The following ERC2 variants were observed in gnomAD, a reference collection of about 807,000 sequenced individuals.
ERC2 encodes ELKS/RAB6-interacting/CAST family member 2, also known as ERC protein 2.
A neutral mutation model predicts 114.8 loss-of-function variants in ERC2; 42 were observed. The ratio of observed to expected loss-of-function variants is 0.37; its 90% CI spans 0.29 to 0.47. The LOEUF (loss-of-function observed/expected upper bound fraction) is 0.47. Ranked by LOEUF, ERC2 falls within the 20% of genes least tolerant of loss-of-function variation. The pLI, the probability that ERC2 is intolerant of heterozygous loss-of-function variation, is 0.99. For missense variants in ERC2, 939 were observed against 1,150.7 expected (o/e 0.82, Z 2.66); for synonymous variants, 454 against 425.5 (o/e 1.07, Z -0.82).
chr3:56,297,892 G>T (rs2055559780), intron 2 of ERC2, among the ~76,000 whole-genome samples: 1 of 152,170 alleles, frequency 6.6e-6, no homozygotes, highest in Non-Finnish European at 1.5e-5. Flanking sequence ...CTAGCACTGG[G>T]TGATGCACCA....
chr3:55,851,665 T>C (rs1288523142), intron 14 of ERC2, among the ~76,000 whole-genome samples: 3 of 152,160 alleles, frequency 2.0e-5, no homozygotes, highest in African/African-American at 7.2e-5. Flanking sequence ...TATAAATACA[T>C]ATTTTTTGCT....
At chr3:56,138,339 C>T (rs755431479) in intron 6 of ERC2, among the ~76,000 whole-genome samples, 1 of 152,130 alleles carries the variant, frequency 6.6e-6, no homozygotes, top group Non-Finnish European at 1.5e-5. Context: ...GGATTACAGG[C>T]GTGAGCCACC....
At chr3:56,023,332 A>C (rs1205855734) in intron 7 of ERC2, among the ~76,000 whole-genome samples, 1 of 152,068 alleles carries the variant, frequency 6.6e-6, no homozygotes, top group Admixed American at 6.6e-5. Flanking sequence ...GATATCATAC[A>C]TGAGGCCCTC....
chr3:56,424,356 A>G (rs1205821781), intron 2 of ERC2, among the ~76,000 whole-genome samples: 2 of 152,154 alleles, frequency 1.3e-5, no homozygotes, highest in Non-Finnish European at 2.9e-5. Context: ...GAAGATGGAA[A>G]TCATTTAGGT....
chr3:55,880,981 T>G (rs1194600056), intron 14 of ERC2, among the ~76,000 whole-genome samples: 1 of 152,130 alleles, frequency 6.6e-6, no homozygotes, highest in African/African-American at 2.4e-5. Context: ...CTCTGTGGGC[T>G]AGCACAACCC....
chr3:55,816,379 A>T (rs2059905646), intron 14 of ERC2, among the ~76,000 whole-genome samples: 1 of 152,200 alleles, frequency 6.6e-6, no homozygotes, highest in African/African-American at 2.4e-5. Flanking sequence ...GCCTTATCAA[A>T]ACTGTGACCC....
chr3:55,629,945 G>A (rs375035633), intron 17 of ERC2, among the ~76,000 whole-genome samples: 26 of 152,246 alleles, frequency 1.7e-4, no homozygotes, highest in African/African-American at 6.0e-4. Flanking sequence ...GAGGTCCTGC[G>A]TGGCAATAAG....
At chr3:56,414,870 G>A (rs948480299) in intron 2 of ERC2, among the ~76,000 whole-genome samples, 9 of 151,904 alleles carry the variant, frequency 5.9e-5, no homozygotes, top group South Asian at 4.2e-4. Flanking sequence ...CCAACATTTC[G>A]AATTTAAAAA....
intron 13 of ERC2, among the ~76,000 whole-genome samples, chr3:55,917,799 CAAT>C (rs1345041500): frequency 1.3e-5 from 2 of 152,174 alleles, no homozygotes; most frequent in Non-Finnish European, 2.9e-5. Flanking sequence ...AATTATATCT[CAAT>C]AAGGCTGCTA....
chr3:56,343,192 T>TCTCTCTCTCTCTCTCTCACACA (rs1376220124), intron 2 of ERC2, among the ~76,000 whole-genome samples: 26 of 126,210 alleles, frequency 2.1e-4, no homozygotes, highest in African/African-American at 7.8e-4. Flanking sequence ...TCTCTCTCTC[T>TCTCTCTCTCTCTCTCTCACACA]CACACACACA....
intron 17 of ERC2, among the ~76,000 whole-genome samples, chr3:55,652,706 T>C (rs1213966327): frequency 6.6e-6 from 1 of 151,792 alleles, no homozygotes; most frequent in African/African-American, 2.4e-5. Flanking sequence ...ACCCCATCTC[T>C]CTTAAAAATA....
intron 15 of ERC2, among the ~76,000 whole-genome samples, chr3:55,707,320 T>C (rs1412414834): frequency 6.6e-6 from 1 of 152,170 alleles, no homozygotes; most frequent in Admixed American, 6.5e-5. Flanking sequence ...ATGCCTGTAG[T>C]CCCAGCTACT....
At chr3:56,443,025 C>T (rs1438335721) in intron 1 of ERC2, among the ~76,000 whole-genome samples, 4 of 152,128 alleles carry the variant, frequency 2.6e-5, no homozygotes, top group African/African-American at 9.7e-5. Flanking sequence ...TCAGAATTGA[C>T]CTCTAACAGG....
chr3:56,012,741 C>A (rs28372290), intron 8 of ERC2, among the ~76,000 whole-genome samples: 5,930 of 152,258 alleles, frequency 0.039, 252 homozygotes, highest in African/African-American at 0.11. Context: ...AATACTACAA[C>A]ATATTTCTCC....
At chr3:56,461,286 G>C (rs2063307498) in intron 1 of ERC2, among the ~76,000 whole-genome samples, 1 of 152,154 alleles carries the variant, frequency 6.6e-6, no homozygotes, top group Admixed American at 6.6e-5. Context: ...AAGATAAGCA[G>C]AAAAGTGCTG....
intron 6 of ERC2, among the ~76,000 whole-genome samples, chr3:56,092,963 A>G (rs2149788715): frequency 2.0e-5 from 3 of 152,320 alleles, no homozygotes. Context: ...CTTAAATCAC[A>G]GATAATTTAG....
chr3:55,894,494 T>C (rs1559830357), intron 13 of ERC2, among the ~76,000 whole-genome samples: 1 of 152,212 alleles, frequency 6.6e-6, no homozygotes, highest in Non-Finnish European at 1.5e-5. Flanking sequence ...CATAGGTACG[T>C]TGCATGTGGG....
intron 15 of ERC2, among the ~76,000 whole-genome samples, chr3:55,727,820 G>A (rs2065013642): frequency 6.6e-6 from 1 of 152,028 alleles, no homozygotes; most frequent in Non-Finnish European, 1.5e-5. Context: ...ACTAGAAGAA[G>A]GTAAAAAAAT....
At chr3:55,911,501 G>A (rs1412637450) in intron 13 of ERC2, among the ~76,000 whole-genome samples, 1 of 152,152 alleles carries the variant, frequency 6.6e-6, no homozygotes, top group Non-Finnish European at 1.5e-5. Flanking sequence ...GCCAGTCAAC[G>A]GCTATATGTC....
Sources: allele counts gnomAD v4.1 joint callset (sites outside exome capture counted in the v4.1 genomes callset), GRCh38; gene constraint gnomAD v4.1.1; transcripts MANE v1.5; gene names NCBI Gene and HGNC (gene_info 2026-07-23, HGNC 2026-07-21).